Variants in FANCC observed in about 807,000 individuals in gnomAD.
FANCC encodes the protein Fanconi anemia group C protein.
A neutral mutation model predicts 71.3 loss-of-function variants in FANCC; 55 were observed. The observed-to-expected ratio is 0.77, with a 90% CI of 0.62 to 0.97. The LOEUF (loss-of-function observed/expected upper bound fraction) is 0.97. Ranked by LOEUF, FANCC falls within the 50% of genes least tolerant of loss-of-function variation. The probability of loss-of-function intolerance (pLI) is 0.00; values close to 1 mark genes in which losing one functional copy is unlikely to be tolerated. For synonymous variants in FANCC, 275 were observed against 244.9 expected (o/e 1.12, Z -1.15); for missense variants, 678 against 670.9 (o/e 1.01, Z -0.12).
intron 1 of FANCC, among the ~76,000 whole-genome samples, chr9:95,269,100 A>G (rs1274833341): frequency 6.6e-6 from 1 of 152,196 alleles, no homozygotes; most frequent in Non-Finnish European, 1.5e-5. Context: ...AAGACTCCTG[A>G]AAAAGAAGCA....
intron 14 of FANCC, among the ~76,000 whole-genome samples, chr9:95,102,393 T>G (rs2071130075): frequency 6.6e-6 from 1 of 152,212 alleles, no homozygotes; most frequent in African/African-American, 2.4e-5. Context: ...AGACACAGCC[T>G]CAAGGCATTC....
intron 8 of FANCC, among the ~76,000 whole-genome samples, chr9:95,134,648 T>A (rs1180880726): frequency 6.6e-6 from 1 of 152,228 alleles, no homozygotes; most frequent in Non-Finnish European, 1.5e-5. Flanking sequence ...TGCCTTGGTC[T>A]TTATTCCTGT....
chr9:95,186,508 G>A (rs1441604786), intron 4 of FANCC: 1 of 152,134 alleles, frequency 6.6e-6, no homozygotes, highest in Non-Finnish European at 1.5e-5. Context: ...TACCGTTTTT[G>A]AACATTCATC....
rs1188141716 is a variant in FANCC at position 95,126,584 on chromosome 9, G to A, written c.844-3C>T. 1 of 1,613,968 alleles carries A rather than the reference G, an allele frequency of 6.2e-7. No individual in the cohort carries two copies. Among genetic ancestry groups the A allele is most frequent in the South Asian group, 1.1e-5 (1 of 91,078 alleles). Reference sequence around the variant, plus strand: ...GCAGGGTGGCAGGCTGCTTGAGGCTGTAAAAGGAGAAGACCATGAGAATGT... The same window carrying A: ...GCAGGGTGGCAGGCTGCTTGAGGCTATAAAAGGAGAAGACCATGAGAATGT... On this transcript the variant is annotated splice_polypyrimidine_tract_variant and splice_region_variant and intron_variant, in intron 8 of 14. Coordinates refer to ENST00000289081, the MANE Select transcript of FANCC (RefSeq NM_000136.3).
At chr9:95,201,448 A>C (rs946135257) in intron 4 of FANCC, among the ~76,000 whole-genome samples, 1 of 152,236 alleles carries the variant, frequency 6.6e-6, no homozygotes, top group South Asian at 2.1e-4. Context: ...TAAGAAAAAA[A>C]GCAAGCCAAA....
intron 1 of FANCC, among the ~76,000 whole-genome samples, chr9:95,299,936 T>C (rs1443273369): frequency 1.3e-5 from 2 of 152,142 alleles, no homozygotes; most frequent in African/African-American, 2.4e-5. Flanking sequence ...AGTCTGTCCA[T>C]TTCTATCCAT....
At chr9:95,219,055 C>T (rs1183859828) in intron 4 of FANCC, among the ~76,000 whole-genome samples, 1 of 152,168 alleles carries the variant, frequency 6.6e-6, no homozygotes, top group African/African-American at 2.4e-5. Context: ...AAAAGTATGT[C>T]TGCGGGCTGC....
chr9:95,155,286 G>A (rs1407949987), intron 6 of FANCC, among the ~76,000 whole-genome samples: 1 of 46,630 alleles, frequency 2.1e-5, no homozygotes, highest in Admixed American at 2.1e-4. Flanking sequence ...GGAGGGGAAG[G>A]AAGGGGACGG....
intron 4 of FANCC, among the ~76,000 whole-genome samples, chr9:95,235,886 T>C (rs1287039384): frequency 1.8e-5 from 2 of 114,140 alleles, no homozygotes; most frequent in Non-Finnish European, 3.6e-5. Context: ...AAGGGGCACA[T>C]GGGGGGCAGG....
chr9:95,237,797 C>T (rs900150648), intron 4 of FANCC, among the ~76,000 whole-genome samples: 15 of 151,890 alleles, frequency 9.9e-5, no homozygotes, highest in African/African-American at 3.4e-4. Flanking sequence ...TAAGTGTTAG[C>T]GTAACATACA....
chr9:95,146,273 G>A (rs1829530663), intron 7 of FANCC, among the ~76,000 whole-genome samples: 1 of 151,938 alleles, frequency 6.6e-6, no homozygotes. Context: ...GACTCCTTGA[G>A]CCCAGGAGTT....
rs373839399 is a variant in FANCC, at chr9:95,123,953, A to G, written c.996+1133T>C. The G allele has an allele frequency of 1.9e-5, 7 of 369,806 alleles. No homozygotes were observed. In the East Asian group the frequency reaches 2.7e-4, roughly 14 times the overall value. The allele number at this position is 369,806 out of a possible 1,614,324, so 22.9% of individuals were successfully genotyped here. The stretch of plus-strand genomic sequence containing the variant: ...TTGTACTTAATTAAAAAATACAAAA[A>G]GTAGCCATGAGTGGTGACATGCACC... On this transcript the variant is annotated intron_variant, in intron 10 of 14. Transcript: ENST00000289081.
intron 4 of FANCC, among the ~76,000 whole-genome samples, chr9:95,204,322 A>ATAGATGAAGCTTCATC (rs1478923698): frequency 1.3e-5 from 2 of 152,218 alleles, no homozygotes; most frequent in Non-Finnish European, 2.9e-5. Context: ...AGCTTCATCT[A>ATAGATGAAGCTTCATC]TATAGACCCA....
chr9:95,207,089 C>T (rs1828177316), intron 4 of FANCC, among the ~76,000 whole-genome samples: 1 of 152,072 alleles, frequency 6.6e-6, no homozygotes, highest in Admixed American at 6.6e-5. Flanking sequence ...GTCAAGTCAG[C>T]TCAGCCAGAA....
At chr9:95,159,456 A>G (rs1830627125) in intron 6 of FANCC, among the ~76,000 whole-genome samples, 1 of 152,172 alleles carries the variant, frequency 6.6e-6, no homozygotes, top group Non-Finnish European at 1.5e-5. Context: ...GGTTCATTCC[A>G]AGTCTTTGCT....
At chr9:95,293,714 C>T (rs1834199839) in intron 1 of FANCC, 3 of 1,613,708 alleles carry the variant, frequency 1.9e-6, no homozygotes, top group Non-Finnish European at 2.5e-6. Context: ...TTAGTGTTCA[C>T]ACTCAGACAT....
intron 4 of FANCC, among the ~76,000 whole-genome samples, chr9:95,199,421 C>CCCCTT (rs1827668926): frequency 2.6e-5 from 4 of 152,230 alleles, no homozygotes; most frequent in South Asian, 4.2e-4. Flanking sequence ...CCTCCTACAT[C>CCCCTT]CCCTTCCCTC....
chr9:95,221,019 C>T (rs929141315), intron 4 of FANCC, among the ~76,000 whole-genome samples: 30 of 152,070 alleles, frequency 2.0e-4, no homozygotes, highest in African/African-American at 7.0e-4. Flanking sequence ...ATCACGAGGT[C>T]AAGAGATCGA....
At chr9:95,302,441 T>C (rs1313756358) in intron 1 of FANCC, among the ~76,000 whole-genome samples, 1 of 152,204 alleles carries the variant, frequency 6.6e-6, no homozygotes, top group East Asian at 1.9e-4. Context: ...GTTTTGAGGA[T>C]TCTTGAGAAC....
Sources: gnomAD v4.1 joint callset for allele counts (sites outside exome capture counted in the v4.1 genomes callset) on GRCh38, gnomAD v4.1.1 for gene constraint, MANE v1.5 for transcripts, NCBI Gene and HGNC (gene_info 2026-07-23, HGNC 2026-07-21) for gene names.